The following MCTP1 variants were observed in gnomAD, a reference collection of about 807,000 sequenced individuals.
MCTP1 encodes the protein multiple C2 and transmembrane domain containing 1.
MCTP1 carries 69 observed loss-of-function variants against 120.6 expected under a neutral mutation model. That is an observed-to-expected ratio of 0.57 (90% CI 0.47 to 0.70). The LOEUF (loss-of-function observed/expected upper bound fraction) is 0.70. Among genes scored for constraint, MCTP1 ranks in the 30% least tolerant of loss-of-function variants. The pLI is 0.00. For missense variants in MCTP1, 1,203 were observed against 1,248.8 expected (o/e 0.96, Z 0.55); for synonymous variants, 529 against 493.1 (o/e 1.07, Z -0.96).
chr5:94,711,684 G>T (rs991421879), intron 20 of MCTP1, among the ~76,000 whole-genome samples: 8 of 150,044 alleles, frequency 5.3e-5, no homozygotes, highest in Non-Finnish European at 1.0e-4. Context: ...AACAAGACAT[G>T]ATAACAAATG....
chr5:95,095,970 G>A (rs1182392061), intron 1 of MCTP1, among the ~76,000 whole-genome samples: 1 of 152,136 alleles, frequency 6.6e-6, no homozygotes, highest in Non-Finnish European at 1.5e-5. Flanking sequence ...GAGATGGCTG[G>A]CATGTTATTA....
chr5:94,769,646 T>C (rs151217030), intron 19 of MCTP1, among the ~76,000 whole-genome samples: 5 of 152,156 alleles, frequency 3.3e-5, no homozygotes. Flanking sequence ...ATTGAAGGAA[T>C]ACCTCAGACT....
intron 19 of MCTP1, among the ~76,000 whole-genome samples, chr5:94,721,400 A>AT (rs1358013234): frequency 3.3e-5 from 5 of 152,138 alleles, no homozygotes; most frequent in African/African-American, 9.7e-5. Context: ...TTGGCTAAGG[A>AT]TTTTTAAATA....
intron 10 of MCTP1, among the ~76,000 whole-genome samples, chr5:94,905,106 T>C (rs1397925360): frequency 6.6e-6 from 1 of 152,008 alleles, no homozygotes; most frequent in South Asian, 2.1e-4. Context: ...CTAAAGAAGA[T>C]GAAGAAGCAA....
chr5:94,802,126 C>G (rs577593127), intron 17 of MCTP1, among the ~76,000 whole-genome samples: 18 of 152,204 alleles, frequency 1.2e-4, no homozygotes, highest in African/African-American at 4.1e-4. Flanking sequence ...AAAACCATCT[C>G]CTTTTCTATT....
chr5:95,200,166 A>C (rs1272976532), intron 1 of MCTP1, among the ~76,000 whole-genome samples: 2 of 152,040 alleles, frequency 1.3e-5, no homozygotes, highest in East Asian at 3.9e-4. Flanking sequence ...ATCTCAAAAA[A>C]AAAAAAAGAA....
intron 1 of MCTP1, among the ~76,000 whole-genome samples, chr5:95,261,839 G>A (rs755604894): frequency 1.3e-5 from 2 of 152,262 alleles, no homozygotes; most frequent in Admixed American, 6.5e-5. Context: ...CACCCATGAG[G>A]AAGTAAGGAA....
Position 94,926,191 on chromosome 5 carries a change from C to T in MCTP1, c.1213-2170G>A, listed in dbSNP as rs149186874. Among the ~76,000 whole-genome samples the T allele has an allele frequency of 1.7e-3, 263 of 152,104 alleles. 1 individual carries two copies. Among genetic ancestry groups the T allele is most frequent in the African/African-American group, 6.1e-3 (252 of 41,516 alleles). ...TTAAAAGTGATATTTTAAAATTAGT[C>T]GTAATGTGTACAGAGCTTTAAACAT... On this transcript the variant is annotated intron_variant, in intron 6 of 22. Transcript: ENST00000515393.
chr5:95,200,923 T>C lies in MCTP1; in HGVS notation c.720+82933A>G, dbSNP rs1358659024. On this transcript the variant is annotated intron_variant, in intron 1 of 22. Coordinates refer to ENST00000515393, the MANE Select transcript of MCTP1 (RefSeq NM_024717.7). Reference sequence around the variant, plus strand: ...TGTACATGATAAACATATAAAATGATTGTCAGAGATAAACAAAACAACATC... The same window carrying C: ...TGTACATGATAAACATATAAAATGACTGTCAGAGATAAACAAAACAACATC... Among the ~76,000 whole-genome samples the C allele has an allele frequency of 2.1e-5, 3 of 143,856 alleles. No individual in the cohort carries two copies. In the East Asian group the frequency reaches 5.8e-4, roughly 28 times the overall value. 94.4% of individuals were successfully genotyped at this position (143,856 alleles called of 152,430 possible).
chr5:95,164,936 TC>T (rs1427828007), intron 1 of MCTP1, among the ~76,000 whole-genome samples: 1 of 152,042 alleles, frequency 6.6e-6, no homozygotes, highest in Non-Finnish European at 1.5e-5. Context: ...GGCTGTATCA[TC>T]CCATAGGCTT....
chr5:94,839,154 T>C (rs1307079577), intron 17 of MCTP1, among the ~76,000 whole-genome samples: 1 of 152,182 alleles, frequency 6.6e-6, no homozygotes, highest in African/African-American at 2.4e-5. Context: ...ACCATCCCTA[T>C]GGTCAGTAAG....
intron 1 of MCTP1, among the ~76,000 whole-genome samples, chr5:95,060,396 T>C (rs1748631508): frequency 6.6e-6 from 1 of 152,158 alleles, no homozygotes. Context: ...TGGGCTTCCC[T>C]AGGAAGCTGG....
intron 2 of MCTP1, among the ~76,000 whole-genome samples, chr5:94,986,997 A>T (rs931690380): frequency 5.3e-5 from 8 of 152,212 alleles, no homozygotes; most frequent in Admixed American, 1.3e-4. Flanking sequence ...TCATCTCTAG[A>T]TTACTTACAA....
At chr5:94,960,955 A>G (rs1251011335) in intron 2 of MCTP1, among the ~76,000 whole-genome samples, 3 of 152,206 alleles carry the variant, frequency 2.0e-5, no homozygotes, top group Non-Finnish European at 2.9e-5. Flanking sequence ...TCATTCTACT[A>G]TAAAGACACA....
chr5:94,997,475 C>G lies in MCTP1; in HGVS notation c.838+19892G>C, dbSNP rs142782965. 5.1e-3 allele frequency among the ~76,000 whole-genome samples: 775 copies of G among 152,334 alleles called. 1 individual carries two copies. The highest frequency in any genetic ancestry group is 0.014 in the Middle Eastern group (4 of 292). ...CAGCTCAGGGAGATTACTCAAACAT[C>G]TGGCCTCTCTTTGAGTTCATATTCT... is the stretch of plus-strand genomic sequence containing the variant. On this transcript the variant is annotated intron_variant, in intron 2 of 22. Coordinates refer to ENST00000515393, the MANE Select transcript of MCTP1 (RefSeq NM_024717.7).
chr5:95,066,985 G>A (rs989847146), intron 1 of MCTP1, among the ~76,000 whole-genome samples: 1 of 152,172 alleles, frequency 6.6e-6, no homozygotes, highest in East Asian at 1.9e-4. Context: ...GACAGGAGGC[G>A]GAGCTTAGGG....
chr5:94,866,233 T>G (rs1796766204), intron 17 of MCTP1, among the ~76,000 whole-genome samples: 1 of 151,906 alleles, frequency 6.6e-6, no homozygotes, highest in African/African-American at 2.4e-5. Context: ...TGTCAGCTAT[T>G]TATACTGGGA....
At chr5:95,138,977 C>A (rs997000861) in intron 1 of MCTP1, among the ~76,000 whole-genome samples, 11 of 152,170 alleles carry the variant, frequency 7.2e-5, no homozygotes, top group South Asian at 2.1e-4. Context: ...CACATACACA[C>A]ACACATTATA....
chr5:94,971,469 GAGT>G (rs1270598816), intron 2 of MCTP1, among the ~76,000 whole-genome samples: 1 of 152,082 alleles, frequency 6.6e-6, no homozygotes, highest in Non-Finnish European at 1.5e-5. Context: ...AGTGAAACTT[GAGT>G]AGAAGTGTTT....
Sources: allele counts gnomAD v4.1 joint callset (sites outside exome capture counted in the v4.1 genomes callset), GRCh38; gene constraint gnomAD v4.1.1; transcripts MANE v1.5; gene names NCBI Gene and HGNC (gene_info 2026-07-23, HGNC 2026-07-21).